BRAF: variants seen among roughly 807,000 people sequenced by gnomAD.
The protein encoded by BRAF is serine/threonine-protein kinase B-raf.
In BRAF, 16 loss-of-function variants were observed where a neutral mutation model predicts 104.6. The ratio of observed to expected loss-of-function variants is 0.15; its 90% CI spans 0.10 to 0.23. BRAF has a LOEUF of 0.23. Among genes scored for constraint, BRAF ranks in the 10% least tolerant of loss-of-function variants. The pLI is 1.00. For synonymous variants in BRAF, 310 were observed against 341.6 expected (o/e 0.91, Z 1.02); for missense variants, 541 against 937.3 (o/e 0.58, Z 5.52).
At chr7:140,759,840 T>G (rs1436364210) in intron 14 of BRAF, among the ~76,000 whole-genome samples, 1 of 152,216 alleles carries the variant, frequency 6.6e-6, no homozygotes, top group Non-Finnish European at 1.5e-5. Context: ...ACGAATCATT[T>G]GGGGATCTTG....
chr7:140,800,365 A>G lies in BRAF; in HGVS notation c.977T>C (p.Ile326Thr), dbSNP rs368435578. The G allele has an allele frequency of 8.7e-6, 14 of 1,614,006 alleles. No homozygotes were observed. The African/African-American group carries it at 1.2e-4, about 14-fold the overall frequency. Residue 326 changes from isoleucine (I) to threonine (T), a missense_variant, in exon 7 of 20, where the codon ATT becomes ACT. Transcript: ENST00000644969. ...SSPSAPASDS[I>T]GPQILTSPSP... ...AAGAGCAGAAGTCAAACCATACCCA[A>G]TAGAGTCCGAGGCGGGTGCGGAAGG... is the stretch of plus-strand genomic sequence containing the variant.
intron 1 of BRAF, among the ~76,000 whole-genome samples, chr7:140,852,113 A>G: frequency 6.6e-6 from 1 of 152,152 alleles, no homozygotes; most frequent in East Asian, 1.9e-4. Context: ...TCACATCTGT[A>G]ATCCCAACAC....
intron 1 of BRAF, among the ~76,000 whole-genome samples, chr7:140,920,532 G>C (rs1458521079): frequency 6.6e-6 from 1 of 152,162 alleles, no homozygotes; most frequent in Non-Finnish European, 1.5e-5. Flanking sequence ...AAGTCAGACT[G>C]TTCTAGCCTG....
At chr7:140,801,310 TGGAAGAAAAA>T (rs1296466803) in intron 6 of BRAF, 92 bp downstream of exon 6, 2 of 1,344,260 alleles carry the variant, frequency 1.5e-6, no homozygotes, top group Non-Finnish European at 2.1e-6. Context: ...AACAATCGTA[TGGAAGAAAAA>T]CCCTCACAGA....
In BRAF at chr7:140,800,486, G is replaced by A; in HGVS notation, c.861-5C>T. On this transcript the variant is annotated splice_polypyrimidine_tract_variant and splice_region_variant and intron_variant, in intron 6 of 19. Transcript: ENST00000644969. ...AACTTGGAGACAAACAGCAAACTGT[G>A]AGGCAAAACAAAACAAACCTAACTT... The A allele has an allele frequency of 1.2e-6, 2 of 1,614,096 alleles. No homozygotes were observed. The highest frequency in any genetic ancestry group is 2.2e-5 in the East Asian group (1 of 44,880).
chr7:140,858,235 C>T (rs1374178670), intron 1 of BRAF, among the ~76,000 whole-genome samples: 4 of 152,110 alleles, frequency 2.6e-5, no homozygotes, highest in Admixed American at 6.6e-5. Context: ...CCAACATATG[C>T]CTCTTGATGT....
In BRAF at chr7:140,884,459, G is replaced by C. The variant is rs559454962; in HGVS notation, c.139-34247C>G. Among the ~76,000 whole-genome samples, 56 of 148,694 alleles carry C rather than the reference G, an allele frequency of 3.8e-4. No homozygotes were observed. In the East Asian group the frequency reaches 0.011, roughly 29 times the overall value. On this transcript the variant is annotated intron_variant, in intron 1 of 19. Coordinates refer to ENST00000644969, the MANE Select transcript of BRAF (RefSeq NM_001374258.1). Reference sequence around the variant, plus strand: ...TGTGTGTGTGTGTGTGTGTGTGTGTGTGTGTGTGTGTGTGTGTATAAAAAT... The same window carrying C: ...TGTGTGTGTGTGTGTGTGTGTGTGTCTGTGTGTGTGTGTGTGTATAAAAAT...
In BRAF at chr7:140,725,319, TAA is replaced by T; in HGVS notation, c.*1173_*1174del. On this transcript the variant is annotated 3_prime_UTR_variant, in exon 20 of 20. Transcript: ENST00000644969. ...AAATTATAAATATTTGTCATTATGC[TAA>T]GACTCCTCATATTTAGGTAGAGAAA... 2.9e-6 allele frequency: 3 copies of T among 1,020,342 alleles called. No individual in the cohort carries two copies. The highest frequency in any genetic ancestry group is 3.6e-6 in the Non-Finnish European group (3 of 844,228). 63.2% of individuals were successfully genotyped at this position (1,020,342 alleles called of 1,614,324 possible). A position where few individuals can be genotyped will look rare whatever the true frequency, so the allele number is the denominator to read the frequency against.
At position 140,924,779 on chromosome 7, in the gene BRAF, G is replaced by A. The variant is rs1302800494; in HGVS notation, c.-76C>T. On this transcript the variant is annotated 5_prime_UTR_variant, in exon 1 of 20. Transcript: ENST00000644969. This position sits in a 1 kb window ranked among gnomAD's most constrained non-coding sequence, Gnocchi z 4.2. ...GAAGGGAGGCGGAGAGCTGGGGGAGGCGGAGGCGGAGGCGGAGGCGGAGGA... is the reference window on the plus strand; with the variant it reads ...GAAGGGAGGCGGAGAGCTGGGGGAGACGGAGGCGGAGGCGGAGGCGGAGGA... 1.0e-5 allele frequency: 5 copies of A among 481,598 alleles called. No homozygotes were observed. Among genetic ancestry groups the A allele is most frequent in the Non-Finnish European group, 1.8e-5 (5 of 275,678 alleles). 29.8% of individuals were successfully genotyped at this position (481,598 alleles called of 1,614,324 possible). A position where few individuals can be genotyped will look rare whatever the true frequency, so the allele number is the denominator to read the frequency against.
chr7:140,736,899 A>C (rs1289284582), intron 18 of BRAF, among the ~76,000 whole-genome samples: 1 of 152,000 alleles, frequency 6.6e-6, no homozygotes, highest in Non-Finnish European at 1.5e-5. Flanking sequence ...CACCACAAGA[A>C]ATTAGCTGGG....
intron 1 of BRAF, among the ~76,000 whole-genome samples, chr7:140,871,982 C>T (rs751638968): frequency 9.9e-5 from 15 of 152,016 alleles, no homozygotes; most frequent in East Asian, 7.7e-4. Context: ...TTTGGGAGGC[C>T]GCGGCAGGTG....
In BRAF at chr7:140,724,862, A is replaced by C; in HGVS notation, c.*1632T>G. 1 of 1,038,924 alleles carries C rather than the reference A, an allele frequency of 9.6e-7. No homozygotes were observed. Among genetic ancestry groups the C allele is most frequent in the Middle Eastern group, 4.5e-4 (1 of 2,230 alleles). The allele number at this position is 1,038,924 out of a possible 1,614,324, so 64.4% of individuals were successfully genotyped here. On this transcript the variant is annotated 3_prime_UTR_variant, in exon 20 of 20. Coordinates refer to ENST00000644969, the MANE Select transcript of BRAF (RefSeq NM_001374258.1). ...GAGGTTTTCCATTAATTTGCCATTA[A>C]TACATCCGCTTTCTTTGCTATGACT...
Position 140,874,351 on chromosome 7 carries a change from G to A in BRAF, c.139-24139C>T, listed in dbSNP as rs140580806. Among the ~76,000 whole-genome samples, 108 of 151,562 alleles carry A rather than the reference G, an allele frequency of 7.1e-4. No homozygotes were observed. In the East Asian group the frequency reaches 0.017, roughly 24 times the overall value. On this transcript the variant is annotated intron_variant, in intron 1 of 19. Transcript: ENST00000644969. Reference sequence around the variant, plus strand: ...CGGGTAGCTGGGATTACAGGCACGCGCCACCATGTCCAGCTAATTTTTGTA... The same window carrying A: ...CGGGTAGCTGGGATTACAGGCACGCACCACCATGTCCAGCTAATTTTTGTA...
chr7:140,864,760 T>A (rs1810761833), intron 1 of BRAF, among the ~76,000 whole-genome samples: 1 of 152,168 alleles, frequency 6.6e-6, no homozygotes, highest in East Asian at 1.9e-4. Context: ...TTACATACAT[T>A]TGCAGATGTA....
At chr7:140,860,313 T>C (rs1240546800) in intron 1 of BRAF, among the ~76,000 whole-genome samples, 1 of 151,802 alleles carries the variant, frequency 6.6e-6, no homozygotes, top group Non-Finnish European at 1.5e-5. Flanking sequence ...TATGAATAGG[T>C]AGTTCACTAT....
intron 14 of BRAF, 40 bp downstream of exon 13, chr7:140,776,872 T>C (rs1236336366): frequency 1.3e-6 from 2 of 1,586,870 alleles, no homozygotes; most frequent in Non-Finnish European, 1.7e-6. Context: ...TCAATGGTCT[T>C]CAAAAATAAT....
intron 3 of BRAF, among the ~76,000 whole-genome samples, chr7:140,832,881 T>C: frequency 6.6e-6 from 1 of 151,572 alleles, no homozygotes; most frequent in Non-Finnish European, 1.5e-5. Context: ...AAACCTTTTT[T>C]TTTTTTTTTT....
intron 19 of BRAF, chr7:140,734,548 T>C: frequency 1.2e-6 from 2 of 1,613,046 alleles, no homozygotes; most frequent in Non-Finnish European, 1.7e-6. Flanking sequence ...CATATGTTCA[T>C]TTATTTTCCT....
Position 140,721,521 on chromosome 7 carries a change from A to C in BRAF, c.*4973T>G. ...TACTGTCTAGTGTACTAATAAAACAAACATCTTACCAGTATTTTTAATTTT... is the reference window on the plus strand; with the variant it reads ...TACTGTCTAGTGTACTAATAAAACACACATCTTACCAGTATTTTTAATTTT... On this transcript the variant is annotated 3_prime_UTR_variant, in exon 20 of 20. Coordinates refer to ENST00000644969, the MANE Select transcript of BRAF (RefSeq NM_001374258.1). The C allele has an allele frequency of 7.1e-7, 1 of 1,411,706 alleles. No homozygotes were observed. Among genetic ancestry groups the C allele is most frequent in the Non-Finnish European group, 9.2e-7 (1 of 1,086,464 alleles). The allele number at this position is 1,411,706 out of a possible 1,614,324, so 87.4% of individuals were successfully genotyped here.
Sources: allele counts gnomAD v4.1 joint callset (sites outside exome capture counted in the v4.1 genomes callset), GRCh38; gene constraint gnomAD v4.1.1; non-coding constraint Gnocchi (gnomAD v3.1); transcripts MANE v1.5; gene names NCBI Gene and HGNC (gene_info 2026-07-23, HGNC 2026-07-21).